The following U2SURP variants were observed in gnomAD, a reference collection of about 807,000 sequenced individuals.
The protein encoded by U2SURP is U2 snRNP-associated SURP motif-containing protein.
In U2SURP, 9 loss-of-function variants were observed where a neutral mutation model predicts 144.9. That is an observed-to-expected ratio of 0.06 (90% confidence interval 0.04 to 0.11). The LOEUF (loss-of-function observed/expected upper bound fraction) is 0.11, where lower values mean the gene tolerates loss of function less well. U2SURP is among the 10% of genes least tolerant of loss of function. The pLI is 1.00. For synonymous variants in U2SURP, 408 were observed against 396.8 expected (o/e 1.03, Z -0.33); for missense variants, 724 against 1,226.7 (o/e 0.59, Z 6.12).
rs1278042139 is a variant in U2SURP at position 143,047,634 on chromosome 3, C to G, written c.2545-3305C>G. On this transcript the variant is annotated intron_variant, in intron 24 of 27. Transcript: ENST00000473835. ...CTGGCCGGGCAGGGGGCTGACCCCC[C>G]CTCCCGCCTCCCGGACGGGGCGGCT... Among the ~76,000 whole-genome samples, 3 of 47,446 alleles carry G rather than the reference C, an allele frequency of 6.3e-5. 1 individual carries two copies. The allele number at this position is 47,446 out of a possible 152,430, so 31.1% of individuals were successfully genotyped here.
chr3:143,019,931 C>A, intron 6 of U2SURP, 38 bp from the exon 7 acceptor site: 1 of 1,219,474 alleles, frequency 8.2e-7, no homozygotes, highest in Non-Finnish European at 1.1e-6. Flanking sequence ...TTTTGCTTAT[C>A]CTTTTGTTTG....
At position 143,016,949 on chromosome 3, in the gene U2SURP, C is replaced by T; in HGVS notation, c.544C>T (p.Leu182Phe). ...GTCTTCCAATGAAAGACCACCATCTCTTCTTGTGATAGAAACCAAAAAACC... is the reference window on the plus strand; with the variant it reads ...GTCTTCCAATGAAAGACCACCATCTTTTCTTGTGATAGAAACCAAAAAACC... ...NQSSNERPPSLLVIETKKPPL... is the reference protein window; with the variant it reads ...NQSSNERPPSFLVIETKKPPL... Residue 182 changes from leucine to phenylalanine, a missense_variant, in exon 6 of 28, where the codon CTT (leucine) becomes TTT (phenylalanine). This residue lies in a region of U2SURP where 115 missense variants were observed against 258.1 expected (regional missense o/e 0.45). Transcript: ENST00000473835. 6.3e-7 allele frequency: 1 copy of T among 1,584,276 alleles called. No homozygotes were observed. Among genetic ancestry groups the T allele is most frequent in the Non-Finnish European group, 8.5e-7 (1 of 1,170,698 alleles).
rs559336981 is a variant in U2SURP, at chr3:143,006,565, GACCAATATGGAGAA to G, written c.46-4246_46-4233del. 3.5e-4 allele frequency among the ~76,000 whole-genome samples: 53 copies of G among 152,308 alleles called. No individual in the cohort carries two copies. The East Asian group carries it at 0.01, about 29-fold the overall frequency. On this transcript the variant is annotated intron_variant, in intron 1 of 27. Transcript: ENST00000473835. ...GAGGTCGGGAGTTCAAGACCAGCCTGACCAATATGGAGAAACCCCATCTCTGCTGAAAATACAAA... is the reference window on the plus strand; with the variant it reads ...GAGGTCGGGAGTTCAAGACCAGCCTGACCCCATCTCTGCTGAAAATACAAA...
intron 25 of U2SURP, among the ~76,000 whole-genome samples, chr3:143,052,802 A>G (rs1934953856): frequency 6.6e-6 from 1 of 152,248 alleles, no homozygotes; most frequent in Admixed American, 6.5e-5. Flanking sequence ...ATGCATATGA[A>G]TCGTAGAGAA....
rs1173060001 is a variant in U2SURP, at chr3:143,015,769, AATATCAAGATTCTTCTGAGCTTTCTTT to A, written c.322-463_322-437del. The stretch of plus-strand genomic sequence containing the variant: ...TTTGGGGACATTTAGAATAATTGAA[AATATCAAGATTCTTCTGAGCTTTCTTT>A]ATATCAAGATTCTTCTGAGCTTTCC... On this transcript the variant is annotated intron_variant, in intron 4 of 27. Transcript: ENST00000473835. Among the ~76,000 whole-genome samples the A allele has an allele frequency of 1.1e-4, 17 of 152,166 alleles. No homozygotes were observed. The South Asian group carries it at 2.1e-3, about 19-fold the overall frequency.
Position 143,027,246 on chromosome 3 carries a change from A to G in U2SURP, c.1372A>G (p.Met458Val), listed in dbSNP as rs770495000. ...TATGAACAGAGAAATCAACAATCCT[A>G]TGTTCAGGTGTGCATTTTTTAAAAA... Reference protein sequence around the residue: ...MIMNREINNPMFRFLFENQTP... With the variant: ...MIMNREINNPVFRFLFENQTP... The change falls in exon 14 of 28, where the codon ATG (methionine) becomes GTG (valine). Residue 458 changes from methionine (M) to valine (V), a missense_variant. Met to Val is a conservative substitution (Grantham distance 21). This residue lies in a region of U2SURP where 64 missense variants were observed against 164.1 expected (regional missense o/e 0.39). Coordinates refer to ENST00000473835, the MANE Select transcript of U2SURP (RefSeq NM_001080415.2). 24 of 1,611,464 alleles carry G rather than the reference A, an allele frequency of 1.5e-5. No individual in the cohort carries two copies. The highest frequency in any genetic ancestry group is 1.4e-5 in the Non-Finnish European group (17 of 1,178,128).
chr3:143,060,237 C>G lies in U2SURP; in HGVS notation c.*3787C>G, dbSNP rs1309580813. ...TTTTATTCTTTTACTTCAACGGGTTCTTGTCTGTTACATCTCTGGTGATTT... is the reference window on the plus strand; with the variant it reads ...TTTTATTCTTTTACTTCAACGGGTTGTTGTCTGTTACATCTCTGGTGATTT... On this transcript the variant is annotated 3_prime_UTR_variant, in exon 28 of 28. Transcript: ENST00000473835. The G allele has an allele frequency of 6.6e-6, 1 of 152,386 alleles. No homozygotes were observed. The highest frequency in any genetic ancestry group is 1.9e-4 in the East Asian group (1 of 5,202). The allele number at this position is 152,386 out of a possible 1,614,324, so 9.4% of individuals were successfully genotyped here.
At chr3:143,032,532 A>G (rs1326702922) in intron 16 of U2SURP, among the ~76,000 whole-genome samples, 1 of 152,220 alleles carries the variant, frequency 6.6e-6, no homozygotes, top group Non-Finnish European at 1.5e-5. Flanking sequence ...AGAAATGCGT[A>G]TGATTTTAAA....
chr3:143,028,316 T>G lies in U2SURP; in HGVS notation c.1380-24T>G, dbSNP rs757588737. 3.1e-6 allele frequency: 5 copies of G among 1,596,448 alleles called. No individual in the cohort carries two copies. In the East Asian group the frequency reaches 1.1e-4, roughly 36 times the overall value. On this transcript the variant is annotated intron_variant, in intron 14 of 27. Coordinates refer to ENST00000473835, the MANE Select transcript of U2SURP (RefSeq NM_001080415.2). ...AGCTCTTTGTTAAAGAATATGATGT[T>G]TAATGTTTGTTTGTTTTGTGTAGGT...
chr3:143,053,861 T>A (rs1392998524), intron 26 of U2SURP, 67 bp downstream of exon 26: 2 of 1,292,896 alleles, frequency 1.5e-6, no homozygotes, highest in African/African-American at 3.0e-5. Context: ...TTTATAATAC[T>A]TTCATCATTG....
rs138458724 is a variant in U2SURP at position 143,020,806 on chromosome 3, A to G, written c.733+113A>G. 8 of 763,420 alleles carry G rather than the reference A, an allele frequency of 1.0e-5. No individual in the cohort carries two copies. In the East Asian group the frequency reaches 1.9e-4, roughly 18 times the overall value. 47.3% of individuals were successfully genotyped at this position (763,420 alleles called of 1,614,324 possible). A position where few individuals can be genotyped will look rare whatever the true frequency, so the allele number is the denominator to read the frequency against. On this transcript the variant is annotated intron_variant, in intron 8 of 27. Transcript: ENST00000473835. ...CCAGTGGATGTCTGAAACCATGGAT[A>G]TATACTATCCTTTTCCTTACACATT...
chr3:143,012,204 G>T lies in U2SURP; in HGVS notation c.91-18G>T, dbSNP rs1452607958. 1 of 1,602,088 alleles carries T rather than the reference G, an allele frequency of 6.2e-7. No individual in the cohort carries two copies. The highest frequency in any genetic ancestry group is 1.1e-5 in the South Asian group (1 of 89,070). ...TATGTGTGGTTTGTTTTTTTCTCTT[G>T]TTTTACTTTTCCTGAAGATGGATGC... is the stretch of plus-strand genomic sequence containing the variant. On this transcript the variant is annotated intron_variant, in intron 2 of 27. Coordinates refer to ENST00000473835, the MANE Select transcript of U2SURP (RefSeq NM_001080415.2).
rs1935312341 is a variant in U2SURP, at chr3:143,060,078, T to G, written c.*3628T>G. On this transcript the variant is annotated 3_prime_UTR_variant, in exon 28 of 28. Transcript: ENST00000473835. ...CATTGTTGAAAATTTGATGCCTCAGTGTTTATTCAGTACCACCTCATGGAG... is the reference window on the plus strand; with the variant it reads ...CATTGTTGAAAATTTGATGCCTCAGGGTTTATTCAGTACCACCTCATGGAG... 1 of 152,452 alleles carries G rather than the reference T, an allele frequency of 6.6e-6. No individual in the cohort carries two copies. The highest frequency in any genetic ancestry group is 1.5e-5 in the Non-Finnish European group (1 of 67,902). 9.4% of individuals were successfully genotyped at this position (152,452 alleles called of 1,614,324 possible).
rs3832219 is a variant in U2SURP at position 143,023,725 on chromosome 3, AGTGCATTGAT to A, written c.1231-242_1231-233del. 3.1e-3 allele frequency among the ~76,000 whole-genome samples: 478 copies of A among 152,330 alleles called. 5 individuals carry two copies. Among genetic ancestry groups the A allele is most frequent in the Admixed American group, 0.025 (384 of 15,298 alleles). The stretch of plus-strand genomic sequence containing the variant: ...TAATTCTCAGTGTAGTACCTATTTC[AGTGCATTGAT>A]GTGCATTCTGGCAGGAATGTTCTGA... On this transcript the variant is annotated intron_variant, in intron 12 of 27. Transcript: ENST00000473835.
intron 19 of U2SURP, among the ~76,000 whole-genome samples, chr3:143,035,522 T>A (rs1007475768): frequency 6.6e-6 from 1 of 152,214 alleles, no homozygotes; most frequent in Non-Finnish European, 1.5e-5. Flanking sequence ...TTTTTGACCT[T>A]AAATTTTGAC....
intron 6 of U2SURP, 108 bp downstream of exon 6, chr3:143,017,083 G>A: frequency 9.2e-7 from 1 of 1,083,748 alleles, no homozygotes; most frequent in Non-Finnish European, 1.2e-6. Context: ...GTGGGGGCAG[G>A]GTGGTAGATG....
At chr3:143,030,658 A>G (rs190926883) in intron 16 of U2SURP, among the ~76,000 whole-genome samples, 86 of 152,294 alleles carry the variant, frequency 5.6e-4, no homozygotes, top group African/African-American at 2.0e-3. Context: ...TATATTTCAT[A>G]AGGCTGTGGC....
intron 1 of U2SURP, among the ~76,000 whole-genome samples, chr3:143,004,611 T>TTATAGGC (rs998088962): frequency 8.4e-6 from 1 of 119,484 alleles, no homozygotes; most frequent in Non-Finnish European, 1.7e-5. Flanking sequence ...AGTGCGGGGA[T>TTATAGGC]TATAGGCGTG....
intron 21 of U2SURP, among the ~76,000 whole-genome samples, 183 bp downstream of exon 21, chr3:143,037,518 A>G (rs1464230297): frequency 6.6e-6 from 1 of 152,100 alleles, no homozygotes; most frequent in Non-Finnish European, 1.5e-5. Context: ...TTTGTATGCT[A>G]TGTATATAAA....
Sources: allele counts gnomAD v4.1 joint callset (sites outside exome capture counted in the v4.1 genomes callset), GRCh38; gene constraint gnomAD v4.1.1; regional missense constraint gnomAD v4.1.1; transcripts MANE v1.5; gene names NCBI Gene and HGNC (gene_info 2026-07-23, HGNC 2026-07-21).